The following GRIN2A variants were observed in gnomAD, a reference collection of about 807,000 sequenced individuals.
GRIN2A encodes glutamate ionotropic receptor NMDA type subunit 2A.
GRIN2A carries 22 observed loss-of-function variants against 113.4 expected under a neutral mutation model. The ratio of observed to expected loss-of-function variants is 0.19; its 90% CI spans 0.14 to 0.28. GRIN2A has a LOEUF of 0.28. Ranked by LOEUF, GRIN2A falls within the 10% of genes least tolerant of loss-of-function variation. The pLI is 1.00. For missense variants in GRIN2A, 1,502 were observed against 1,887.0 expected (o/e 0.80, Z 3.78); for synonymous variants, 827 against 738.4 (o/e 1.12, Z -1.94).
Position 10,179,978 on chromosome 16 carries a change from G to T in GRIN2A, c.414+20C>A, listed in dbSNP as rs1567353957. ...TGGTGGCTTCCCAGGTCCTGGCAGG[G>T]CATCAGTTTCCGGCCTTACCTTGTC... On this transcript the variant is annotated intron_variant, in intron 2 of 12. Coordinates refer to ENST00000330684, the MANE Select transcript of GRIN2A (RefSeq NM_001134407.3). 1 of 1,609,672 alleles carries T rather than the reference G, an allele frequency of 6.2e-7. No homozygotes were observed. Among genetic ancestry groups the T allele is most frequent in the Non-Finnish European group, 8.5e-7 (1 of 1,176,058 alleles).
chr16:10,140,738 T>G (rs945741583), intron 2 of GRIN2A, among the ~76,000 whole-genome samples: 4 of 151,772 alleles, frequency 2.6e-5, no homozygotes, highest in African/African-American at 9.7e-5. Context: ...GGAAGAGGAG[T>G]CCAATCAGAG....
chr16:10,106,122 G>A (rs2034366), intron 2 of GRIN2A, among the ~76,000 whole-genome samples: 134,438 of 151,902 alleles, frequency 0.89, 61,042 homozygotes, highest in East Asian at 0.99. Flanking sequence ...ACTTGGATAA[G>A]ATGAGGCATG....
Position 9,763,072 on chromosome 16 carries a change from G to T in GRIN2A, c.*77C>A. 7.0e-7 allele frequency: 1 copy of T among 1,426,468 alleles called. No homozygotes were observed. The highest frequency in any genetic ancestry group is 9.8e-7 in the Non-Finnish European group (1 of 1,019,464). The allele number at this position is 1,426,468 out of a possible 1,614,324, so 88.4% of individuals were successfully genotyped here. ...TTCTTCCTCTTAGCAGGGCACTATT[G>T]GACATCCAACATTTACCCTCCAGAA... is the stretch of plus-strand genomic sequence containing the variant. On this transcript the variant is annotated 3_prime_UTR_variant, in exon 13 of 13. Coordinates refer to ENST00000330684, the MANE Select transcript of GRIN2A (RefSeq NM_001134407.3).
At chr16:9,833,865 G>A (rs796855804) in intron 8 of GRIN2A, among the ~76,000 whole-genome samples, 5 of 152,212 alleles carry the variant, frequency 3.3e-5, no homozygotes, top group African/African-American at 9.6e-5. Context: ...TATTACAGGT[G>A]TGTGCCACCA....
chr16:9,779,690 G>C (rs1901827340), intron 11 of GRIN2A, among the ~76,000 whole-genome samples: 2 of 152,138 alleles, frequency 1.3e-5, no homozygotes, highest in Non-Finnish European at 2.9e-5. Flanking sequence ...GGGTAATAGG[G>C]TGGTGTGCAG....
At chr16:9,966,174 A>T (rs1391881673) in intron 2 of GRIN2A, among the ~76,000 whole-genome samples, 1 of 152,144 alleles carries the variant, frequency 6.6e-6, no homozygotes, top group Non-Finnish European at 1.5e-5. Flanking sequence ...ACACAGGTAA[A>T]CTTGTGCCAT....
chr16:9,839,520 A>G (rs1255588380), intron 7 of GRIN2A, among the ~76,000 whole-genome samples: 3 of 152,196 alleles, frequency 2.0e-5, no homozygotes, highest in African/African-American at 7.2e-5. Flanking sequence ...ATCAGCATAT[A>G]CTTTTCAGAC....
intron 2 of GRIN2A, among the ~76,000 whole-genome samples, chr16:9,963,775 G>A (rs1483569682): frequency 1.3e-5 from 2 of 152,160 alleles, no homozygotes; most frequent in African/African-American, 4.8e-5. Flanking sequence ...CCATTCAACA[G>A]ATATTTACTA....
At chr16:10,182,858 C>T (rs1432214431), upstream of GRIN2A, 2 of 152,388 alleles carry the variant, frequency 1.3e-5, no homozygotes, top group Non-Finnish European at 2.9e-5. Flanking sequence ...AGCACCCTCT[C>T]CGCAACCCAG....
rs71157796 is a variant in GRIN2A, at chr16:9,979,785, C to CTATATATATATATATATA, written c.415-41252_415-41235dup. Among the ~76,000 whole-genome samples the CTATATATATATATATATA allele has an allele frequency of 8.0e-3, 980 of 122,036 alleles. 12 individuals are homozygous for CTATATATATATATATATA. The highest frequency in any genetic ancestry group is 0.016 in the East Asian group (52 of 3,334). 80.1% of individuals were successfully genotyped at this position (122,036 alleles called of 152,430 possible). On this transcript the variant is annotated intron_variant, in intron 2 of 12. Transcript: ENST00000330684. ...TATATACATATAAGGGACTATGGGACTATATATATATATATATATATATAT... is the reference window on the plus strand; with the variant it reads ...TATATACATATAAGGGACTATGGGACTATATATATATATATATATATATATATATATATATATATATAT...
chr16:10,086,228 G>T (rs191083873), intron 2 of GRIN2A, among the ~76,000 whole-genome samples: 1 of 152,262 alleles, frequency 6.6e-6, no homozygotes, highest in Admixed American at 6.5e-5. Flanking sequence ...ATTGTTGGTG[G>T]TCCCTATCCA....
At chr16:9,819,237 A>AG (rs1245750300) in intron 10 of GRIN2A, among the ~76,000 whole-genome samples, 3 of 152,122 alleles carry the variant, frequency 2.0e-5, no homozygotes, top group African/African-American at 7.2e-5. Context: ...AATTTAATTT[A>AG]GGCTGGGCAT....
intron 3 of GRIN2A, among the ~76,000 whole-genome samples, chr16:9,901,313 G>A (rs2043918674): frequency 6.6e-6 from 1 of 152,136 alleles, no homozygotes; most frequent in African/African-American, 2.4e-5. Flanking sequence ...TGCTTTCTGT[G>A]AATTACAACT....
At chr16:9,828,890 A>C (rs564269569) in intron 9 of GRIN2A, among the ~76,000 whole-genome samples, 1 of 152,340 alleles carries the variant, frequency 6.6e-6, no homozygotes, top group Admixed American at 6.5e-5. Flanking sequence ...TGTGCCTTGA[A>C]GACATTTCAG....
At chr16:10,048,263 T>A (rs1384183517) in intron 2 of GRIN2A, among the ~76,000 whole-genome samples, 1 of 152,218 alleles carries the variant, frequency 6.6e-6, no homozygotes, top group Non-Finnish European at 1.5e-5. Flanking sequence ...ATACTTAAAA[T>A]CGTGATTGGC....
At chr16:9,963,813 C>G (rs2045494197) in intron 2 of GRIN2A, among the ~76,000 whole-genome samples, 1 of 152,204 alleles carries the variant, frequency 6.6e-6, no homozygotes, top group South Asian at 2.1e-4. Context: ...AGGTACTATT[C>G]TAGGCACTGG....
intron 3 of GRIN2A, among the ~76,000 whole-genome samples, chr16:9,928,012 G>C (rs543726175): frequency 6.6e-6 from 1 of 152,320 alleles, no homozygotes; most frequent in Admixed American, 6.5e-5. Flanking sequence ...CAGCAGATCT[G>C]CCAGTTCATT....
At chr16:10,023,910 C>T (rs140845407) in intron 2 of GRIN2A, among the ~76,000 whole-genome samples, 2 of 152,318 alleles carry the variant, frequency 1.3e-5, no homozygotes, top group African/African-American at 4.8e-5. Flanking sequence ...TAAGCATAAA[C>T]CTTAGGCCAG....
At chr16:9,948,152 C>T (rs1434564274) in intron 2 of GRIN2A, among the ~76,000 whole-genome samples, 1 of 152,168 alleles carries the variant, frequency 6.6e-6, no homozygotes, top group African/African-American at 2.4e-5. Flanking sequence ...TTGCAGGAAC[C>T]CTTTCAGTCC....
Sources: gnomAD v4.1 joint callset for allele counts (sites outside exome capture counted in the v4.1 genomes callset) on GRCh38, gnomAD v4.1.1 for gene constraint, MANE v1.5 for transcripts, NCBI Gene and HGNC (gene_info 2026-07-23, HGNC 2026-07-21) for gene names.